Variants in CAST observed in about 807,000 individuals in gnomAD.
The protein encoded by CAST is MIR583 host.
CAST carries 76 observed loss-of-function variants against 119.6 expected under a neutral mutation model. That is an observed-to-expected ratio of 0.64 (90% confidence interval 0.53 to 0.77). The LOEUF (loss-of-function observed/expected upper bound fraction) is 0.77. CAST is among the 30% of genes least tolerant of loss of function. CAST has a pLI of 0.00. For synonymous variants in CAST, 319 were observed against 331.6 expected, an observed-to-expected ratio of 0.96 and a Z score of 0.41; for missense variants, 953 against 946.5, an observed-to-expected ratio of 1.01 and a Z score of -0.09.
At chr5:96,386,285 T>A in the CAST span, among the ~76,000 whole-genome samples, 1 of 152,226 alleles carries the variant, frequency 6.6e-6, no homozygotes, top group African/African-American at 2.4e-5. Flanking sequence ...TTATTCAATA[T>A]CTTCTTTTCC....
the CAST span, among the ~76,000 whole-genome samples, chr5:96,517,516 C>T: frequency 6.6e-6 from 1 of 152,132 alleles, no homozygotes; most frequent in African/African-American, 2.4e-5. Context: ...TGATTATTTC[C>T]ATGTGAAATC....
the CAST span, among the ~76,000 whole-genome samples, chr5:96,333,118 C>T: frequency 6.6e-6 from 1 of 151,702 alleles, no homozygotes; most frequent in South Asian, 2.1e-4. Context: ...CAACGAAGTG[C>T]AAATTGTTGC....
chr5:96,141,898 T>A, the CAST span, among the ~76,000 whole-genome samples: 3 of 152,338 alleles, frequency 2.0e-5, no homozygotes, highest in East Asian at 3.9e-4. Context: ...GTATTTGACA[T>A]TGGCATCAGG....
At chr5:96,267,129 A>G in the CAST span, among the ~76,000 whole-genome samples, 1 of 152,212 alleles carries the variant, frequency 6.6e-6, no homozygotes, top group Admixed American at 6.5e-5. Context: ...AATCAAAGAG[A>G]AAAAATAAAA....
chr5:96,595,292 A>G (rs1292849355), intron 1 of CAST, among the ~76,000 whole-genome samples: 1 of 152,246 alleles, frequency 6.6e-6, no homozygotes, highest in Non-Finnish European at 1.5e-5. Flanking sequence ...AAGGTGAGGA[A>G]AAAGAGTTCC....
At chr5:96,241,681 C>G in the CAST span, among the ~76,000 whole-genome samples, 1 of 141,362 alleles carries the variant, frequency 7.1e-6, no homozygotes, top group African/African-American at 2.5e-5. Context: ...GTCCCACCAA[C>G]AGTGTAAAAG....
chr5:96,382,710 G>C, the CAST span, among the ~76,000 whole-genome samples: 2 of 152,030 alleles, frequency 1.3e-5, no homozygotes, highest in Admixed American at 1.3e-4. Context: ...ATCCAAATAA[G>C]CAAATAATCA....
At chr5:96,515,583 A>T in the CAST span, among the ~76,000 whole-genome samples, 1 of 151,998 alleles carries the variant, frequency 6.6e-6, no homozygotes, top group African/African-American at 2.4e-5. Flanking sequence ...TGCCAGTAAT[A>T]TTTCTGTTTT....
intron 1 of CAST, among the ~76,000 whole-genome samples, chr5:96,532,855 A>C (rs1745714785): frequency 6.6e-6 from 1 of 151,886 alleles, no homozygotes; most frequent in South Asian, 2.1e-4. Context: ...ATCTCAAAAA[A>C]AAATTGTTTT....
the CAST span, among the ~76,000 whole-genome samples, chr5:95,985,039 T>C: frequency 6.6e-6 from 1 of 152,212 alleles, no homozygotes; most frequent in Non-Finnish European, 1.5e-5. Context: ...AGGCCAGACA[T>C]AGTGGCTCAC....
the CAST span, among the ~76,000 whole-genome samples, chr5:96,486,238 A>G: frequency 2.6e-5 from 4 of 152,168 alleles, no homozygotes; most frequent in Non-Finnish European, 5.9e-5. Context: ...AATTTAGGAT[A>G]CTAGTATGGC....
the CAST span, among the ~76,000 whole-genome samples, chr5:96,263,750 T>A: frequency 2.2e-3 from 340 of 152,344 alleles, 1 homozygote; most frequent in African/African-American, 7.7e-3. Context: ...AGAGGTTTAA[T>A]TGACCTACAG....
chr5:96,259,717 C>T, the CAST span, among the ~76,000 whole-genome samples: 351 of 152,166 alleles, frequency 2.3e-3, 1 homozygote, highest in African/African-American at 8.1e-3. Flanking sequence ...TCTTCTCCTT[C>T]GTTTCCTTTC....
At chr5:96,158,133 A>G in the CAST span, among the ~76,000 whole-genome samples, 1 of 151,778 alleles carries the variant, frequency 6.6e-6, no homozygotes, top group South Asian at 2.1e-4. Flanking sequence ...GCAAACTACC[A>G]TGTAATAAGA....
the CAST span, among the ~76,000 whole-genome samples, chr5:96,347,574 T>C: frequency 6.6e-6 from 1 of 152,138 alleles, no homozygotes; most frequent in Admixed American, 6.6e-5. Context: ...TCCTCAGTTA[T>C]TATACAGAAC....
chr5:96,101,767 C>T, the CAST span, among the ~76,000 whole-genome samples: 18 of 152,130 alleles, frequency 1.2e-4, no homozygotes, highest in Non-Finnish European at 2.2e-4. Flanking sequence ...AGCAACCAAG[C>T]GAGACTCCAT....
the CAST span, among the ~76,000 whole-genome samples, chr5:96,254,605 T>C: frequency 6.6e-6 from 1 of 152,178 alleles, no homozygotes; most frequent in East Asian, 1.9e-4. Flanking sequence ...AGTAATTTAT[T>C]ACTTAGCTCT....
At chr5:96,447,990 A>C in the CAST span, among the ~76,000 whole-genome samples, 5 of 151,954 alleles carry the variant, frequency 3.3e-5, no homozygotes, top group African/African-American at 4.8e-5. Flanking sequence ...TGGAGACATC[A>C]TTCTGGATGG....
the CAST span, among the ~76,000 whole-genome samples, chr5:96,417,414 C>T: frequency 6.6e-6 from 1 of 152,016 alleles, no homozygotes; most frequent in African/African-American, 2.4e-5. Flanking sequence ...AAGCAGCCCT[C>T]CTGACTTTTT....
Sources: gnomAD v4.1 joint callset for allele counts (sites outside exome capture counted in the v4.1 genomes callset) on GRCh38, gnomAD v4.1.1 for gene constraint, MANE v1.5 for transcripts, NCBI Gene and HGNC (gene_info 2026-07-23, HGNC 2026-07-21) for gene names.